The following TMEM132B variants were observed in gnomAD, a reference collection of about 807,000 sequenced individuals.
TMEM132B encodes the protein transmembrane protein 132B.
TMEM132B carries 18 observed loss-of-function variants against 90.8 expected under a neutral mutation model. The ratio of observed to expected loss-of-function variants is 0.20; its 90% CI spans 0.14 to 0.29. The LOEUF is 0.29. Ranked by LOEUF, TMEM132B falls within the 10% of genes least tolerant of loss-of-function variation. The pLI is 1.00. For synonymous variants in TMEM132B, 504 were observed against 523.3 expected, an observed-to-expected ratio of 0.96 and a Z score of 0.50; for missense variants, 1,096 against 1,326.8, an observed-to-expected ratio of 0.83 and a Z score of 2.70.
chr12:125,368,382 A>C (rs542318714), intron 2 of TMEM132B, among the ~76,000 whole-genome samples: 114 of 152,338 alleles, frequency 7.5e-4, no homozygotes, highest in Non-Finnish European at 1.2e-3. Context: ...TACATAATTA[A>C]GGTGGTATCT....
intron 1 of TMEM132B, among the ~76,000 whole-genome samples, chr12:125,307,756 TTATATTGCAA>T: frequency 3.5e-3 from 1 of 284 alleles, no homozygotes; most frequent in Admixed American, 0.025. Context: ...GTATATATAC[TTATATTGCAA>T]GTATATATAC....
At chr12:125,298,673 C>CAAAA (rs36048797) in intron 1 of TMEM132B, among the ~76,000 whole-genome samples, 5 of 104,724 alleles carry the variant, frequency 4.8e-5, no homozygotes, top group Admixed American at 1.0e-4. Context: ...GACTCTGTCT[C>CAAAA]AAAAAAAAAA....
chr12:125,247,701 G>A (rs1874236083), intron 1 of TMEM132B, among the ~76,000 whole-genome samples: 1 of 151,986 alleles, frequency 6.6e-6, no homozygotes, highest in Non-Finnish European at 1.5e-5. Flanking sequence ...TTAGAGAACA[G>A]CATCCCCCTG....
At chr12:125,484,333 T>C (rs549753200) in intron 3 of TMEM132B, among the ~76,000 whole-genome samples, 54 of 152,276 alleles carry the variant, frequency 3.5e-4, no homozygotes, top group African/African-American at 1.3e-3. Context: ...CCATATCTGC[T>C]TCCTTTAGTA....
In TMEM132B at chr12:125,580,120, G is replaced by A. The variant is rs1403349346; in HGVS notation, c.1294-3731G>A. 3.3e-5 allele frequency among the ~76,000 whole-genome samples: 5 copies of A among 152,110 alleles called. No individual in the cohort carries two copies. In the South Asian group the frequency reaches 1.0e-3, roughly 32 times the overall value. On this transcript the variant is annotated intron_variant, in intron 4 of 8. Transcript: ENST00000682704. ...CCACAGAGCCTCAAAATCAACCAGA[G>A]GTGAAAGCTTAGGTCTATTCTCTGA...
At position 125,660,730 on chromosome 12, in the gene TMEM132B, C is replaced by G. The variant is rs1019156938; in HGVS notation, c.*6020C>G. On this transcript the variant is annotated 3_prime_UTR_variant, in exon 9 of 9. Coordinates refer to ENST00000682704, the MANE Select transcript of TMEM132B (RefSeq NM_001366854.1). ...AATGTTATCAACTTACAATATTGGA[C>G]AATCTTCATATTCTATGAGATGCCT... is the stretch of plus-strand genomic sequence containing the variant. The G allele has an allele frequency of 1.3e-5, 2 of 152,222 alleles. No individual in the cohort carries two copies. The allele number at this position is 152,222 out of a possible 1,614,324, so 9.4% of individuals were successfully genotyped here. A position where few individuals can be genotyped will look rare whatever the true frequency, so the allele number is the denominator to read the frequency against.
At chr12:125,374,409 C>G (rs1878411073) in intron 2 of TMEM132B, among the ~76,000 whole-genome samples, 1 of 150,888 alleles carries the variant, frequency 6.6e-6, no homozygotes, top group South Asian at 2.1e-4. Flanking sequence ...GTGCAGACCT[C>G]AACTCAGCTC....
chr12:125,207,460 G>C (rs1873208558), intron 1 of TMEM132B, among the ~76,000 whole-genome samples: 1 of 152,218 alleles, frequency 6.6e-6, no homozygotes, highest in Non-Finnish European at 1.5e-5. Context: ...ACATTCTACA[G>C]TGATGGAGAT....
At position 125,658,197 on chromosome 12, in the gene TMEM132B, G is replaced by A. The variant is rs548601449; in HGVS notation, c.*3487G>A. On this transcript the variant is annotated 3_prime_UTR_variant, in exon 9 of 9. Transcript: ENST00000682704. ...CGGAAGTTTCTATTTATAAAGTCAT[G>A]CAGGGGGAAAGTTGATTAATTTTTG... The A allele has an allele frequency of 2.0e-5, 3 of 152,320 alleles. No individual in the cohort carries two copies. In the South Asian group the frequency reaches 6.2e-4, roughly 32 times the overall value. 9.4% of individuals were successfully genotyped at this position (152,320 alleles called of 1,614,324 possible).
At chr12:125,334,860 T>G (rs982230823) in intron 1 of TMEM132B, among the ~76,000 whole-genome samples, 5 of 152,210 alleles carry the variant, frequency 3.3e-5, no homozygotes, top group African/African-American at 1.2e-4. Context: ...ACACAACTCT[T>G]AAGAATTTCA....
intron 3 of TMEM132B, among the ~76,000 whole-genome samples, chr12:125,433,080 C>T (rs774240190): frequency 8.5e-5 from 13 of 152,292 alleles, no homozygotes; most frequent in Admixed American, 6.5e-4. Flanking sequence ...CTAAGAATGC[C>T]GCGTGCCCCA....
At chr12:125,310,876 A>G (rs1312922917) in intron 1 of TMEM132B, among the ~76,000 whole-genome samples, 1 of 152,226 alleles carries the variant, frequency 6.6e-6, no homozygotes, top group Non-Finnish European at 1.5e-5. Context: ...CCTTGACTCA[A>G]GGCACAGGCT....
intron 3 of TMEM132B, among the ~76,000 whole-genome samples, chr12:125,515,486 C>G (rs60184515): frequency 8.0e-6 from 1 of 125,628 alleles, no homozygotes; most frequent in African/African-American, 2.5e-5. Context: ...CATTGTCACA[C>G]TCACACACAT....
At chr12:125,505,906 A>G (rs768581995) in intron 3 of TMEM132B, among the ~76,000 whole-genome samples, 1 of 152,192 alleles carries the variant, frequency 6.6e-6, no homozygotes, top group Non-Finnish European at 1.5e-5. Flanking sequence ...AAAAAGAAGA[A>G]AAAGGAAAAG....
chr12:125,354,177 C>G (rs1317072159), intron 2 of TMEM132B, among the ~76,000 whole-genome samples: 1 of 152,136 alleles, frequency 6.6e-6, no homozygotes, highest in African/African-American at 2.4e-5. Flanking sequence ...ATTCCCAAAT[C>G]TTTGTTTAAA....
chr12:125,594,849 C>T (rs981936049), intron 5 of TMEM132B, among the ~76,000 whole-genome samples: 10 of 152,172 alleles, frequency 6.6e-5, no homozygotes, highest in African/African-American at 2.2e-4. Context: ...TTTTCATACT[C>T]TAATAGGGTC....
intron 1 of TMEM132B, among the ~76,000 whole-genome samples, chr12:125,237,178 TAG>T (rs1166726381): frequency 6.6e-6 from 1 of 152,124 alleles, no homozygotes; most frequent in Non-Finnish European, 1.5e-5. Context: ...AGAGCCCAGG[TAG>T]AGAGAGGTAG....
intron 2 of TMEM132B, among the ~76,000 whole-genome samples, chr12:125,396,815 G>A (rs185388862): frequency 7.2e-5 from 11 of 152,250 alleles, no homozygotes; most frequent in Admixed American, 5.2e-4. Flanking sequence ...GGCCAGTACT[G>A]TCATTAATAT....
intron 3 of TMEM132B, among the ~76,000 whole-genome samples, chr12:125,495,520 G>T (rs1882539832): frequency 6.6e-6 from 1 of 152,142 alleles, no homozygotes. Flanking sequence ...TGAGTTCTTT[G>T]ACATCCCTTA....
Sources: allele counts gnomAD v4.1 joint callset (sites outside exome capture counted in the v4.1 genomes callset), GRCh38; gene constraint gnomAD v4.1.1; transcripts MANE v1.5; gene names NCBI Gene and HGNC (gene_info 2026-07-23, HGNC 2026-07-21).